Variants in GAREM1 observed in about 807,000 individuals in gnomAD.
The protein encoded by GAREM1 is GRB2 associated regulator of MAPK1 subtype 1.
GAREM1 carries 26 observed loss-of-function variants against 71.3 expected under a neutral mutation model. That is an observed-to-expected ratio of 0.36 (90% confidence interval 0.27 to 0.51). GAREM1 has a LOEUF of 0.51. Among genes scored for constraint, GAREM1 ranks in the 20% least tolerant of loss-of-function variants. GAREM1 has a pLI of 0.95. For missense variants in GAREM1, 1,026 were observed against 1,103.1 expected, an observed-to-expected ratio of 0.93 and a Z score of 0.99; for synonymous variants, 440 against 433.2, an observed-to-expected ratio of 1.02 and a Z score of -0.20.
At chr18:32,465,106 A>C (rs9947062) in intron 1 of GAREM1, among the ~76,000 whole-genome samples, 54,423 of 152,008 alleles carry the variant, frequency 0.36, 10,115 homozygotes, top group African/African-American at 0.43. Context: ...CTTGGCTCCA[A>C]ATCCAGTATT....
intron 1 of GAREM1, among the ~76,000 whole-genome samples, chr18:32,433,375 G>A (rs1198092830): frequency 1.3e-5 from 2 of 150,674 alleles, no homozygotes; most frequent in Admixed American, 6.6e-5. Context: ...AATCAAGAAC[G>A]AGGAAAGGAT....
intron 2 of GAREM1, among the ~76,000 whole-genome samples, chr18:32,329,444 A>G (rs1445315748): frequency 6.6e-6 from 1 of 151,958 alleles, no homozygotes; most frequent in East Asian, 1.9e-4. Context: ...GTAGTCGCTC[A>G]CGCCTACAAT....
At chr18:32,431,576 C>T (rs141785329) in intron 1 of GAREM1, among the ~76,000 whole-genome samples, 1 of 151,950 alleles carries the variant, frequency 6.6e-6, no homozygotes, top group African/African-American at 2.4e-5. Context: ...TGCAGTGAGC[C>T]GAGATCACGC....
At chr18:32,312,575 A>C (rs1191743605) in intron 2 of GAREM1, among the ~76,000 whole-genome samples, 3 of 152,206 alleles carry the variant, frequency 2.0e-5, no homozygotes, top group Non-Finnish European at 4.4e-5. Flanking sequence ...AAGAATGGGC[A>C]CCAGATATTT....
At chr18:32,285,191 G>A (rs951910768) in intron 4 of GAREM1, among the ~76,000 whole-genome samples, 2 of 152,190 alleles carry the variant, frequency 1.3e-5, no homozygotes, top group Non-Finnish European at 2.9e-5. Context: ...CTCTGGGCTT[G>A]TGCCTGATGG....
rs143905564 is a variant in GAREM1 at position 32,390,896 on chromosome 18, T to C, written c.262+1999A>G. ...GAGGTAGGACCCCACATCAGTCTTT[T>C]TAAAGTTCTCCAGGTGAATCCAATG... On this transcript the variant is annotated intron_variant, in intron 2 of 5. Transcript: ENST00000269209. 2.3e-3 allele frequency among the ~76,000 whole-genome samples: 348 copies of C among 152,304 alleles called. 2 individuals carry two copies. Among genetic ancestry groups the C allele is most frequent in the African/African-American group, 8.1e-3 (335 of 41,566 alleles).
chr18:32,354,619 C>T (rs539647200), intron 2 of GAREM1, among the ~76,000 whole-genome samples: 54 of 152,178 alleles, frequency 3.5e-4, no homozygotes, highest in Non-Finnish European at 6.3e-4. Flanking sequence ...ATATTCTGAT[C>T]ATCCAGAATG....
intron 2 of GAREM1, among the ~76,000 whole-genome samples, chr18:32,352,356 G>A (rs79877729): frequency 1.8e-4 from 28 of 152,294 alleles, no homozygotes; most frequent in African/African-American, 6.5e-4. Flanking sequence ...CACCTGGGGC[G>A]GCAAGAGCAT....
rs182733491 is a variant in GAREM1 at position 32,320,239 on chromosome 18, T to A, written c.263-9916A>T. ...GATTGTAATTGTGTTCTTCTTATTA[T>A]AAAGGACATAATTATTTTTATAAGT... On this transcript the variant is annotated intron_variant, in intron 2 of 5. Transcript: ENST00000269209. 5.6e-4 allele frequency among the ~76,000 whole-genome samples: 85 copies of A among 152,350 alleles called. No homozygotes were observed. The East Asian group carries it at 0.012, about 22-fold the overall frequency.
intron 2 of GAREM1, among the ~76,000 whole-genome samples, chr18:32,373,768 T>C (rs906889054): frequency 1.4e-4 from 21 of 152,204 alleles, no homozygotes; most frequent in African/African-American, 5.1e-4. Flanking sequence ...TTCCATCACC[T>C]GCTTTAGAGT....
chr18:32,397,370 G>C (rs112588530), intron 1 of GAREM1, among the ~76,000 whole-genome samples: 13,273 of 152,086 alleles, frequency 0.087, 654 homozygotes, highest in African/African-American at 0.13. Flanking sequence ...ATTGGATAAA[G>C]AGTCAAGACT....
intron 2 of GAREM1, among the ~76,000 whole-genome samples, chr18:32,322,391 T>G (rs1022442054): frequency 6.6e-6 from 1 of 152,194 alleles, no homozygotes; most frequent in Non-Finnish European, 1.5e-5. Context: ...CAGCGGACTA[T>G]AGAATGCACC....
intron 2 of GAREM1, among the ~76,000 whole-genome samples, chr18:32,348,669 A>G (rs1026075125): frequency 2.6e-5 from 4 of 152,182 alleles, no homozygotes; most frequent in Non-Finnish European, 5.9e-5. Context: ...CGTTTCAGTG[A>G]GCAAGATCGT....
At chr18:32,419,301 T>C (rs141595060) in intron 1 of GAREM1, among the ~76,000 whole-genome samples, 2 of 152,242 alleles carry the variant, frequency 1.3e-5, no homozygotes, top group East Asian at 3.9e-4. Context: ...TCTCCCTCCA[T>C]GGATAATAAG....
intron 1 of GAREM1, among the ~76,000 whole-genome samples, chr18:32,432,048 A>C (rs1228376150): frequency 6.6e-6 from 1 of 152,200 alleles, no homozygotes; most frequent in Non-Finnish European, 1.5e-5. Context: ...TCTGCCCTAA[A>C]ATAAAATAAT....
intron 1 of GAREM1, among the ~76,000 whole-genome samples, chr18:32,403,798 A>G (rs924143322): frequency 6.6e-6 from 1 of 152,224 alleles, no homozygotes; most frequent in African/African-American, 2.4e-5. Context: ...CTTACAGTCT[A>G]TGCTGAATTT....
chr18:32,423,849 T>G (rs1381940542), intron 1 of GAREM1, among the ~76,000 whole-genome samples: 1 of 152,172 alleles, frequency 6.6e-6, no homozygotes, highest in Non-Finnish European at 1.5e-5. Flanking sequence ...TATTAAGAAA[T>G]GGAGCTGGGC....
At position 32,405,162 on chromosome 18, in the gene GAREM1, T is replaced by C. The variant is rs147447018; in HGVS notation, c.122-12127A>G. Among the ~76,000 whole-genome samples, 355 of 152,264 alleles carry C rather than the reference T, an allele frequency of 2.3e-3. 2 individuals carry two copies. Among genetic ancestry groups the C allele is most frequent in the African/African-American group, 8.2e-3 (342 of 41,566 alleles). ...AAGGAAACTTACTGAGTCAGTTAAA[T>C]ACCCAAACCACTGTACTTCTCTTAC... On this transcript the variant is annotated intron_variant, in intron 1 of 5. Coordinates refer to ENST00000269209, the MANE Select transcript of GAREM1 (RefSeq NM_001242409.2).
rs1282886376 is a variant in GAREM1, at chr18:32,268,141, G to C, written c.2361C>G (p.Leu787=). The C allele has an allele frequency of 2.5e-6, 4 of 1,614,170 alleles. No homozygotes were observed. Among genetic ancestry groups the C allele is most frequent in the Non-Finnish European group, 2.5e-6 (3 of 1,180,028 alleles). ...FSASYPFSSP[L]HLQLAPRSCG... is the part of the protein sequence containing the mutation. ...AGGATCTGGGGGCCAGCTGGAGATG[G>C]AGCGGAGATGAGAAAGGGTAGGAGG... The change falls in exon 6 of 6, where the codon CTC becomes CTG. Residue 787 remains leucine (L), a synonymous_variant. Transcript: ENST00000269209.
Sources: gnomAD v4.1 joint callset for allele counts (sites outside exome capture counted in the v4.1 genomes callset) on GRCh38, gnomAD v4.1.1 for gene constraint, MANE v1.5 for transcripts, NCBI Gene and HGNC (gene_info 2026-07-23, HGNC 2026-07-21) for gene names.